HIRA: variants seen among roughly 807,000 people sequenced by gnomAD.
HIRA encodes protein HIRA.
In HIRA, 13 loss-of-function variants were observed where a neutral mutation model predicts 126.6. That is an observed-to-expected ratio of 0.10 (90% CI 0.07 to 0.16). The LOEUF (loss-of-function observed/expected upper bound fraction) is 0.16, where lower values mean the gene tolerates loss of function less well. Among genes scored for constraint, HIRA ranks in the 10% least tolerant of loss-of-function variants. The pLI, the probability that HIRA is intolerant of heterozygous loss-of-function variation, is 1.00. For missense variants in HIRA, 834 were observed against 1,314.4 expected (o/e 0.63, Z 5.65); for synonymous variants, 511 against 520.0 (o/e 0.98, Z 0.24).
Position 19,354,069 on chromosome 22 carries a change from T to TAA in HIRA, c.2609_2610dup (p.Arg871LeufsTer17). ...GCGTCCTGGGATGGCAGGCTGCTCC[T>TAA]AAAGTCTGCACACTGAGCCAGTGAG... On this transcript the variant is annotated frameshift_variant, in exon 22 of 25. Coordinates refer to ENST00000263208, the MANE Select transcript of HIRA (RefSeq NM_003325.4). LOFTEE classifies it high-confidence loss of function. 6.2e-7 allele frequency: 1 copy of TAA among 1,613,274 alleles called. No individual in the cohort carries two copies. Among genetic ancestry groups the TAA allele is most frequent in the Non-Finnish European group, 8.5e-7 (1 of 1,179,702 alleles).
At chr22:19,358,178 T>C (rs962153711) in intron 18 of HIRA, among the ~76,000 whole-genome samples, 1 of 152,144 alleles carries the variant, frequency 6.6e-6, no homozygotes, top group Non-Finnish European at 1.5e-5. Flanking sequence ...TTTTGTATTT[T>C]TGGTAGAGAT....
chr22:19,408,957 T>C (rs2089328819), intron 2 of HIRA, among the ~76,000 whole-genome samples: 1 of 152,124 alleles, frequency 6.6e-6, no homozygotes, highest in African/African-American at 2.4e-5. Flanking sequence ...TGACTCCTCA[T>C]CTGTGAAATG....
intron 15 of HIRA, among the ~76,000 whole-genome samples, chr22:19,363,872 C>A (rs1400528959): frequency 6.6e-6 from 1 of 152,074 alleles, no homozygotes; most frequent in Non-Finnish European, 1.5e-5. Context: ...CACCGCACTC[C>A]AGCCTGGGCA....
In HIRA at chr22:19,331,050, C is replaced by T. The variant is rs1418491244; in HGVS notation, c.*390G>A. The T allele has an allele frequency of 1.2e-5, 11 of 949,904 alleles. No individual in the cohort carries two copies. The highest frequency in any genetic ancestry group is 5.0e-5 in the South Asian group (3 of 59,610). The allele number at this position is 949,904 out of a possible 1,614,324, so 58.8% of individuals were successfully genotyped here. ...AGTCTGCTGTAATACCTAACGCTTC[C>T]GGATTCTCTCTCACAAATGGCTCAA... On this transcript the variant is annotated 3_prime_UTR_variant, in exon 25 of 25. Coordinates refer to ENST00000263208, the MANE Select transcript of HIRA (RefSeq NM_003325.4).
intron 21 of HIRA, 96 bp downstream of exon 21, chr22:19,355,664 G>A (rs1447659754): frequency 2.6e-5 from 21 of 815,756 alleles, no homozygotes; most frequent in Non-Finnish European, 4.1e-5. Flanking sequence ...AGGAAAAGCA[G>A]GGCTAGGCAG....
chr22:19,387,423 C>T (rs2089137141), intron 11 of HIRA, among the ~76,000 whole-genome samples: 1 of 152,138 alleles, frequency 6.6e-6, no homozygotes, highest in South Asian at 2.1e-4. Flanking sequence ...TCAGCTCTTT[C>T]CCAGGGCAAA....
chr22:19,411,017 C>A (rs2089347785), intron 1 of HIRA, among the ~76,000 whole-genome samples: 1 of 152,202 alleles, frequency 6.6e-6, no homozygotes, highest in Non-Finnish European at 1.5e-5. Flanking sequence ...ATGAGCTGTT[C>A]ATGATTGAAG....
intron 6 of HIRA, 96 bp from the exon 7 acceptor site, chr22:19,397,043 A>G: frequency 8.5e-7 from 1 of 1,171,048 alleles, no homozygotes; most frequent in Non-Finnish European, 1.2e-6. Flanking sequence ...GAGGGGACTC[A>G]GCAGTCTGCC....
chr22:19,353,273 C>A, intron 23 of HIRA, 83 bp downstream of exon 23: 2 of 1,546,436 alleles, frequency 1.3e-6, no homozygotes, highest in Non-Finnish European at 1.8e-6. Context: ...ACATCTTTTC[C>A]CTGATTTCAC....
chr22:19,402,524 C>T (rs942390876), intron 5 of HIRA, among the ~76,000 whole-genome samples: 1 of 152,090 alleles, frequency 6.6e-6, no homozygotes, highest in African/African-American at 2.4e-5. Context: ...TGTTATGAGG[C>T]CAATATAAAG....
chr22:19,401,613 T>G (rs1476229183), intron 5 of HIRA, among the ~76,000 whole-genome samples: 1 of 152,212 alleles, frequency 6.6e-6, no homozygotes, highest in African/African-American at 2.4e-5. Flanking sequence ...CCTGCAGACT[T>G]CCTGCTTCAG....
rs935671360 is a variant in HIRA, at chr22:19,354,189, G to C, written c.2562-71C>G. The C allele has an allele frequency of 4.0e-5, 60 of 1,497,602 alleles. No homozygotes were observed. In the African/African-American group the frequency reaches 8.3e-4, roughly 21 times the overall value. The allele number at this position is 1,497,602 out of a possible 1,614,324, so 92.8% of individuals were successfully genotyped here. A position where few individuals can be genotyped will look rare whatever the true frequency, so the allele number is the denominator to read the frequency against. ...CTGGTTGGCCTCTTTGCCAACCAGA[G>C]AAGGCTGGCAAAGAGGCCACAGAGA... On this transcript the variant is annotated intron_variant, in intron 21 of 24. Transcript: ENST00000263208.
Position 19,394,452 on chromosome 22 carries a change from C to G in HIRA, c.712G>C (p.Val238Leu), listed in dbSNP as rs1389524901. The G allele has an allele frequency of 1.2e-6, 2 of 1,613,998 alleles. No homozygotes were observed. The highest frequency in any genetic ancestry group is 1.7e-6 in the Non-Finnish European group (2 of 1,180,038). ...GAGTTGTTCATGGCATGGGCAGACA[C>G]CAGGTAATGCCCATCAGGTGACCAG... ...LSWSPDGHYL[V>L]SAHAMNNSGP... The change falls in exon 8 of 25, where the codon GTG (valine) becomes CTG (leucine). Residue 238 changes from valine to leucine, a missense_variant. Val to Leu is a conservative substitution (Grantham distance 32). Coordinates refer to ENST00000263208, the MANE Select transcript of HIRA (RefSeq NM_003325.4).
chr22:19,380,713 C>T (rs556853538), intron 13 of HIRA, among the ~76,000 whole-genome samples: 16 of 152,248 alleles, frequency 1.1e-4, no homozygotes, highest in African/African-American at 2.6e-4. Flanking sequence ...AAGCAATTCT[C>T]CTGCCTCAGC....
chr22:19,429,592 C>T (rs912552041), intron 1 of HIRA, among the ~76,000 whole-genome samples: 2 of 152,204 alleles, frequency 1.3e-5, no homozygotes, highest in African/African-American at 4.8e-5. Flanking sequence ...GAGAGGCCCT[C>T]AGCAATAAGG....
intron 9 of HIRA, among the ~76,000 whole-genome samples, chr22:19,389,625 G>C (rs2089159463): frequency 6.6e-6 from 1 of 152,046 alleles, no homozygotes. Context: ...TCTAGAAAAA[G>C]CTGCCTTGTC....
chr22:19,353,707 T>C (rs566856841), intron 22 of HIRA, among the ~76,000 whole-genome samples, 188 bp from the exon 23 acceptor site: 4 of 152,336 alleles, frequency 2.6e-5, no homozygotes, highest in Non-Finnish European at 4.4e-5. Flanking sequence ...GCCCCAGCCA[T>C]GTGCCTCCTG....
chr22:19,358,896 C>T (rs553635864), intron 18 of HIRA, among the ~76,000 whole-genome samples: 5 of 152,206 alleles, frequency 3.3e-5, no homozygotes, highest in South Asian at 4.2e-4. Flanking sequence ...CCTCACAGTG[C>T]AGAATCTGGC....
At chr22:19,377,812 C>A in intron 14 of HIRA, 57 bp downstream of exon 14, 1 of 1,433,144 alleles carries the variant, frequency 7.0e-7, no homozygotes, top group South Asian at 1.4e-5. Flanking sequence ...GTCCTCAAAA[C>A]TATGTGCAAA....
Sources: gnomAD v4.1 joint callset for allele counts (sites outside exome capture counted in the v4.1 genomes callset) on GRCh38, gnomAD v4.1.1 for gene constraint, MANE v1.5 for transcripts, NCBI Gene and HGNC (gene_info 2026-07-23, HGNC 2026-07-21) for gene names.